Variants in CLYBL observed in about 807,000 individuals in gnomAD.
CLYBL encodes the protein citramalyl-CoA lyase, mitochondrial.
In CLYBL, 31 loss-of-function variants were observed where a neutral mutation model predicts 38.9. That is an observed-to-expected ratio of 0.80 (90% CI 0.60 to 1.08). The LOEUF is 1.08. Ranked by LOEUF, CLYBL falls within the 50% of genes least tolerant of loss-of-function variation. CLYBL has a pLI of 0.00. For missense variants in CLYBL, 434 were observed against 411.6 expected (o/e 1.05, Z -0.47); for synonymous variants, 171 against 158.6 (o/e 1.08, Z -0.59).
chr13:99,682,306 A>G (rs1566608644), intron 1 of CLYBL, among the ~76,000 whole-genome samples: 1 of 151,760 alleles, frequency 6.6e-6, no homozygotes, highest in Non-Finnish European at 1.5e-5. Context: ...ACCATGCCTG[A>G]CTAATGTTTG....
intron 1 of CLYBL, among the ~76,000 whole-genome samples, chr13:99,637,891 A>G (rs1477293198): frequency 1.3e-5 from 2 of 151,228 alleles, no homozygotes; most frequent in Non-Finnish European, 2.9e-5. Context: ...TAAACATAGC[A>G]GATGCATTAA....
intron 1 of CLYBL, among the ~76,000 whole-genome samples, chr13:99,698,367 C>T (rs1355670840): frequency 2.6e-5 from 4 of 151,494 alleles, no homozygotes; most frequent in Non-Finnish European, 5.9e-5. Context: ...ATTAGATGGG[C>T]TCAGTATTAC....
chr13:99,866,314 G>A lies in CLYBL; in HGVS notation c.709G>A (p.Gly237Ser). ...GATTGTTGTCATAGCGAAAGCCTTT[G>A]GTCTCCAAGCCATAGATCTGGTGTA... ...QKIVVIAKAF[G>S]LQAIDLVYID... Residue 237 changes from glycine to serine, a missense_variant, in exon 6 of 9, where the codon GGT becomes AGT. By Grantham distance (56) the Gly-to-Ser change is moderately conservative (BLOSUM62 0). Transcript: ENST00000339105. 1 of 1,614,078 alleles carries A rather than the reference G, an allele frequency of 6.2e-7. No homozygotes were observed. The highest frequency in any genetic ancestry group is 8.5e-7 in the Non-Finnish European group (1 of 1,180,000).
chr13:99,751,195 G>A (rs940737233), intron 1 of CLYBL, among the ~76,000 whole-genome samples: 37 of 151,974 alleles, frequency 2.4e-4, no homozygotes, highest in African/African-American at 8.0e-4. Flanking sequence ...TCTGACATAC[G>A]CTATAACATG....
chr13:99,836,159 G>A (rs1056709388), intron 2 of CLYBL, among the ~76,000 whole-genome samples: 4 of 152,172 alleles, frequency 2.6e-5, no homozygotes, highest in East Asian at 3.9e-4. Context: ...GCTTCCAGCC[G>A]TGAGTATGAG....
At chr13:99,664,715 G>T (rs903608852) in intron 1 of CLYBL, among the ~76,000 whole-genome samples, 3 of 152,164 alleles carry the variant, frequency 2.0e-5, no homozygotes, top group Non-Finnish European at 4.4e-5. Flanking sequence ...GATTTGGTAT[G>T]TAAAATGGCT....
intron 1 of CLYBL, among the ~76,000 whole-genome samples, chr13:99,770,408 C>A (rs962588706): frequency 6.6e-6 from 1 of 152,202 alleles, no homozygotes; most frequent in Non-Finnish European, 1.5e-5. Context: ...AGCTCCGCCT[C>A]CCGGGTTCAC....
intron 1 of CLYBL, among the ~76,000 whole-genome samples, chr13:99,645,680 A>AT (rs201249358): frequency 1.0e-4 from 15 of 149,990 alleles, no homozygotes; most frequent in Middle Eastern, 3.4e-3. Flanking sequence ...AGATTATTAA[A>AT]TTTTTTTTTT....
At chr13:99,676,960 A>G (rs2047662460) in intron 1 of CLYBL, among the ~76,000 whole-genome samples, 1 of 135,626 alleles carries the variant, frequency 7.4e-6, no homozygotes, top group Non-Finnish European at 1.5e-5. Flanking sequence ...CCACAATTTC[A>G]GGACTAGAGG....
chr13:99,615,202 G>T (rs2046690198), intron 1 of CLYBL, among the ~76,000 whole-genome samples: 1 of 152,168 alleles, frequency 6.6e-6, no homozygotes, highest in Non-Finnish European at 1.5e-5. Flanking sequence ...GATAGCTTCG[G>T]AACAGCCACG....
intron 1 of CLYBL, among the ~76,000 whole-genome samples, chr13:99,668,626 C>T (rs1450764536): frequency 6.6e-6 from 1 of 151,180 alleles, no homozygotes; most frequent in Non-Finnish European, 1.5e-5. Flanking sequence ...GCTATTTGAG[C>T]AAGATGAATG....
chr13:99,814,867 C>T (rs956598289), intron 2 of CLYBL, among the ~76,000 whole-genome samples: 1 of 152,002 alleles, frequency 6.6e-6, no homozygotes, highest in Non-Finnish European at 1.5e-5. Flanking sequence ...CTCATCTCTA[C>T]AAAAAATCAA....
intron 2 of CLYBL, among the ~76,000 whole-genome samples, chr13:99,856,546 T>C (rs1055951471): frequency 2.0e-5 from 3 of 152,190 alleles, no homozygotes; most frequent in African/African-American, 7.2e-5. Flanking sequence ...TGTAGCTGCA[T>C]AGGCTACACA....
intron 2 of CLYBL, among the ~76,000 whole-genome samples, chr13:99,779,333 G>T (rs747038436): frequency 3.0e-4 from 46 of 152,046 alleles, no homozygotes; most frequent in Non-Finnish European, 6.5e-4. Flanking sequence ...AGTAGAAATG[G>T]GGTTTCACCA....
At chr13:99,774,246 A>G (rs371675894) in intron 2 of CLYBL, among the ~76,000 whole-genome samples, 12 of 152,272 alleles carry the variant, frequency 7.9e-5, no homozygotes, top group African/African-American at 2.9e-4. Flanking sequence ...AAAAGTTTTA[A>G]AAAAACAAAA....
Position 99,710,050 on chromosome 13 carries a change from G to A in CLYBL, c.63-62774G>A, listed in dbSNP as rs1032476189. Among the ~76,000 whole-genome samples the A allele has an allele frequency of 1.3e-4, 19 of 150,162 alleles. No individual in the cohort carries two copies. The Admixed American group carries it at 1.3e-3, about 10-fold the overall frequency. On this transcript the variant is annotated intron_variant, in intron 1 of 8. Coordinates refer to ENST00000339105, the MANE Select transcript of CLYBL (RefSeq NM_206808.5). Reference sequence around the variant, plus strand: ...GCCATTCTCCTGCCTCAGCCTCTCCGAGTAGCTGGGGCTACAGGCGCCCGC... The same window carrying A: ...GCCATTCTCCTGCCTCAGCCTCTCCAAGTAGCTGGGGCTACAGGCGCCCGC...
intron 1 of CLYBL, among the ~76,000 whole-genome samples, chr13:99,610,825 G>A (rs1473728530): frequency 6.6e-6 from 1 of 152,182 alleles, no homozygotes; most frequent in Non-Finnish European, 1.5e-5. Context: ...TGCCTTTTAA[G>A]TGTTTTGGTT....
At chr13:99,768,192 CTTT>C (rs58499426) in intron 1 of CLYBL, among the ~76,000 whole-genome samples, 1 of 102,668 alleles carries the variant, frequency 9.7e-6, no homozygotes, top group Non-Finnish European at 1.8e-5. Context: ...TTTTCTTTTT[CTTT>C]TTTTTTTTTT....
chr13:99,888,167 G>A (rs2052398705), intron 7 of CLYBL, among the ~76,000 whole-genome samples: 1 of 152,162 alleles, frequency 6.6e-6, no homozygotes, highest in South Asian at 2.1e-4. Context: ...CAGAGTTTCA[G>A]TTTTGCAAGA....
Sources: allele counts gnomAD v4.1 joint callset (sites outside exome capture counted in the v4.1 genomes callset), GRCh38; gene constraint gnomAD v4.1.1; transcripts MANE v1.5; gene names NCBI Gene and HGNC (gene_info 2026-07-23, HGNC 2026-07-21).